NGDN: variants seen among roughly 807,000 people sequenced by gnomAD.
NGDN encodes the protein EIF4E-binding protein.
In NGDN, 41 loss-of-function variants were observed where a neutral mutation model predicts 45.2. The observed-to-expected ratio is 0.91, with a 90% confidence interval of 0.71 to 1.18. The LOEUF is 1.18. Ranked by LOEUF, NGDN falls within the 50% of genes most tolerant of loss-of-function variation. The probability of loss-of-function intolerance (pLI) is 0.00; values close to 1 mark genes in which losing one functional copy is unlikely to be tolerated. For missense variants in NGDN, 402 were observed against 399.9 expected, an observed-to-expected ratio of 1.01 and a Z score of -0.05; for synonymous variants, 137 against 130.9, an observed-to-expected ratio of 1.05 and a Z score of -0.32.
Position 23,475,763 on chromosome 14 carries a change from C to T in NGDN, c.405C>T (p.Ser135=), listed in dbSNP as rs762184881. The T allele has an allele frequency of 6.2e-7, 1 of 1,613,080 alleles. No individual in the cohort carries two copies. The highest frequency in any genetic ancestry group is 1.7e-5 in the Admixed American group (1 of 60,014). Residue 135 remains serine, a synonymous_variant, in exon 6 of 11, where the codon AGC becomes AGT. Transcript: ENST00000408901. The part of the protein sequence containing the change: ...NDPLRFKPHP[S]NMMSKLSSED... ...CACTTCGTTTTAAGCCTCATCCCAG[C>T]AATATGATGAGCAAGGTAAGGGGTT... is the stretch of plus-strand genomic sequence containing the variant.
At chr14:23,476,665 G>C (rs74039337) in intron 8 of NGDN, among the ~76,000 whole-genome samples, 1 of 152,164 alleles carries the variant, frequency 6.6e-6, no homozygotes, top group Non-Finnish European at 1.5e-5. Flanking sequence ...GAAAAAAGCA[G>C]TACAAAGAGG....
rs137930062 is a variant in NGDN at position 23,476,122 on chromosome 14, G to A, written c.514G>A (p.Val172Ile). 29 of 1,614,162 alleles carry A rather than the reference G, an allele frequency of 1.8e-5. No homozygotes were observed. Among genetic ancestry groups the A allele is most frequent in the Non-Finnish European group, 2.5e-5 (29 of 1,180,014 alleles). The stretch of plus-strand genomic sequence containing the variant: ...TGTGAAGGGAGTGTCTAAGAAATAT[G>A]TTCCTCCACGCTTGGTTCCAGTACA... ...KSVKGVSKKY[V>I]PPRLVPVHYD... The change falls in exon 7 of 11, where the codon GTT (valine) becomes ATT (isoleucine). Residue 172 changes from valine (V) to isoleucine (I), a missense_variant. Physicochemically the swap from Val to Ile is conservative, Grantham distance 29. Coordinates refer to ENST00000408901, the MANE Select transcript of NGDN (RefSeq NM_001042635.2).
rs1893894998 is a variant in NGDN at position 23,476,076 on chromosome 14, T to C, written c.468T>C (p.Ser156=). 6.2e-7 allele frequency: 1 copy of C among 1,614,042 alleles called. No homozygotes were observed. The highest frequency in any genetic ancestry group is 1.3e-5 in the African/African-American group (1 of 74,946). Residue 156 remains serine, a synonymous_variant, in exon 7 of 11, where the codon TCT becomes TCC. Transcript: ENST00000408901. ...AAGATGAAGCAGAAGATGACCAGTC[T>C]GAGGCTTCAGGGAAGAAATCTGTGA... ...EEEDEAEDDQ[S]EASGKKSVKG...
chr14:23,477,838 C>T, intron 10 of NGDN, 169 bp from the exon 11 acceptor site: 1 of 1,488,158 alleles, frequency 6.7e-7, no homozygotes, highest in Non-Finnish European at 8.9e-7. Flanking sequence ...GAACCATTAT[C>T]CCATTTCAAT....
At chr14:23,477,870 T>C in intron 10 of NGDN, 137 bp from the exon 11 acceptor site, 1 of 1,552,628 alleles carries the variant, frequency 6.4e-7, no homozygotes, top group Non-Finnish European at 8.7e-7. Flanking sequence ...TTCTCGTCTT[T>C]TGTCCTGGGA....
chr14:23,471,171 A>G lies in NGDN; in HGVS notation c.144+194A>G, dbSNP rs144746342. 4.5e-4 allele frequency: 186 copies of G among 410,734 alleles called. 2 individuals carry two copies. The highest frequency in any genetic ancestry group is 3.5e-3 in the African/African-American group (169 of 48,670). The allele number at this position is 410,734 out of a possible 1,614,324, so 25.4% of individuals were successfully genotyped here. On this transcript the variant is annotated intron_variant, in intron 3 of 10. Transcript: ENST00000408901. ...AAGTATTAATAGTAGCAGTCACATT[A>G]CAGAGTTATGAGTCTCCAGCCAAAG... is the stretch of plus-strand genomic sequence containing the variant.
intron 8 of NGDN, among the ~76,000 whole-genome samples, chr14:23,476,657 A>G (rs190774419): frequency 8.4e-4 from 128 of 152,326 alleles, no homozygotes; most frequent in Non-Finnish European, 1.1e-3. Context: ...TTGAGGGGGA[A>G]AAAAGCAGTA....
intron 6 of NGDN, 104 bp from the exon 7 acceptor site, chr14:23,475,925 T>G: frequency 6.6e-7 from 1 of 1,507,266 alleles, no homozygotes; most frequent in Admixed American, 1.9e-5. Flanking sequence ...TTCCCTTTTT[T>G]CCCTTTTTAT....
rs1893745301 is a variant in NGDN, at chr14:23,470,334, T to G, written c.72+233T>G. ...AATAGTTTTCCTTTATTCATATAGC[T>G]AAGGAAACCAGTGCTTGGAATGGTA... On this transcript the variant is annotated intron_variant, in intron 2 of 10. Transcript: ENST00000408901. 7.9e-6 allele frequency: 4 copies of G among 507,904 alleles called. 1 individual carries two copies. Among genetic ancestry groups the G allele is most frequent in the Non-Finnish European group, 1.4e-5 (4 of 284,564 alleles). The allele number at this position is 507,904 out of a possible 1,614,324, so 31.5% of individuals were successfully genotyped here.
intron 3 of NGDN, chr14:23,471,187 C>T (rs748804169): frequency 2.5e-6 from 1 of 392,380 alleles, no homozygotes; most frequent in Admixed American, 4.5e-5. Flanking sequence ...TTATGAGTCT[C>T]CAGCCAAAGA....
At chr14:23,478,739 C>T (rs1006211573), downstream of NGDN, 3 of 102,786 alleles carry the variant, frequency 2.9e-5, 1 homozygote, top group Non-Finnish European at 1.9e-5. Context: ...CCCCCACCCC[C>T]CCGCCTTCAA....
At chr14:23,471,097 A>T in intron 3 of NGDN, 120 bp downstream of exon 3, 1 of 612,036 alleles carries the variant, frequency 1.6e-6, no homozygotes, top group Non-Finnish European at 2.6e-6. Context: ...AATATGATCC[A>T]GTTTCTGTGC....
chr14:23,476,097 T>G lies in NGDN; in HGVS notation c.489T>G (p.Ser163=). The change falls in exon 7 of 11, where the codon TCT becomes TCG. Residue 163 remains serine (S), a synonymous_variant. Transcript: ENST00000408901. ...DDQSEASGKK[S]VKGVSKKYVP... is the part of the protein sequence containing the mutation. ...AGTCTGAGGCTTCAGGGAAGAAATC[T>G]GTGAAGGGAGTGTCTAAGAAATATG... 6.2e-7 allele frequency: 1 copy of G among 1,614,164 alleles called. No individual in the cohort carries two copies.
chr14:23,470,924 C>G lies in NGDN; in HGVS notation c.91C>G (p.Gln31Glu). ...LQEQVMAVTA[Q>E]VKSLTQKVQA... ...ATTTCAGGTGATGGCTGTAACTGCA[C>G]AAGTGAAATCACTGACACAAAAAGT... is the stretch of plus-strand genomic sequence containing the variant. The change falls in exon 3 of 11, where the codon CAA becomes GAA. Residue 31 changes from glutamine (Q) to glutamate (E), a missense_variant. Gln to Glu is a conservative substitution (Grantham distance 29). Coordinates refer to ENST00000408901, the MANE Select transcript of NGDN (RefSeq NM_001042635.2). 6.4e-7 allele frequency: 1 copy of G among 1,567,438 alleles called. No homozygotes were observed. The highest frequency in any genetic ancestry group is 8.6e-7 in the Non-Finnish European group (1 of 1,161,844).
Position 23,475,438 on chromosome 14 carries a change from A to G in NGDN, c.283-120A>G, listed in dbSNP as rs957521571. On this transcript the variant is annotated intron_variant, in intron 4 of 10. Coordinates refer to ENST00000408901, the MANE Select transcript of NGDN (RefSeq NM_001042635.2). ...ACCAAATGAGAAAAGGTATTTTTCT[A>G]TTCATTTGCTCTACTTTGTACATAT... The G allele has an allele frequency of 8.9e-6, 12 of 1,343,342 alleles. No homozygotes were observed. The African/African-American group carries it at 1.3e-4, about 15-fold the overall frequency. The allele number at this position is 1,343,342 out of a possible 1,614,324, so 83.2% of individuals were successfully genotyped here.
At chr14:23,476,602 G>C (rs937728419) in intron 8 of NGDN, among the ~76,000 whole-genome samples, 195 bp downstream of exon 8, 1 of 152,158 alleles carries the variant, frequency 6.6e-6, no homozygotes, top group African/African-American at 2.4e-5. Context: ...TACCCCAACT[G>C]TTTAGTTCAA....
chr14:23,477,069 A>T (rs147785975), intron 8 of NGDN, 131 bp from the exon 9 acceptor site: 1 of 744,252 alleles, frequency 1.3e-6, no homozygotes, highest in East Asian at 2.7e-5. Context: ...ACTAAATACT[A>T]TGTTGATCTG....
rs773464767 is a variant in NGDN, at chr14:23,475,246, A to G, written c.220A>G (p.Lys74Glu). 3.1e-6 allele frequency: 5 copies of G among 1,614,172 alleles called. No homozygotes were observed. Among genetic ancestry groups the G allele is most frequent in the Non-Finnish European group, 3.4e-6 (4 of 1,179,988 alleles). Residue 74 changes from lysine (K) to glutamate (E), a missense_variant, in exon 4 of 11, where the codon AAA becomes GAA. Transcript: ENST00000408901. ...GGATTTGACCCACCTCATTCTGGAC[A>G]AAGCCTCAGGAGGATCTCTTCAGGG... is the stretch of plus-strand genomic sequence containing the variant. ...LMDLTHLILD[K>E]ASGGSLQGHD...
intron 3 of NGDN, among the ~76,000 whole-genome samples, chr14:23,472,436 G>T (rs1271035299): frequency 1.3e-5 from 2 of 152,122 alleles, no homozygotes; most frequent in Non-Finnish European, 2.9e-5. Flanking sequence ...GGAGGCAGAG[G>T]TTGCAGTGAG....
Sources: gnomAD v4.1 joint callset for allele counts (sites outside exome capture counted in the v4.1 genomes callset) on GRCh38, gnomAD v4.1.1 for gene constraint, MANE v1.5 for transcripts, NCBI Gene and HGNC (gene_info 2026-07-23, HGNC 2026-07-21) for gene names.